The following DUOX1 variants were observed in gnomAD, a reference collection of about 807,000 sequenced individuals.
DUOX1 encodes dual oxidase 1.
Under a neutral mutation model 181.8 loss-of-function variants are expected in DUOX1, and 134 were observed. The ratio of observed to expected loss-of-function variants is 0.74; its 90% CI spans 0.64 to 0.85. The LOEUF (loss-of-function observed/expected upper bound fraction) is 0.85, where lower values mean the gene tolerates loss of function less well. Among genes scored for constraint, DUOX1 ranks in the 40% least tolerant of loss-of-function variants. DUOX1 has a pLI of 0.00. For synonymous variants in DUOX1, 798 were observed against 832.5 expected, an observed-to-expected ratio of 0.96 and a Z score of 0.71; for missense variants, 1,814 against 2,064.4, an observed-to-expected ratio of 0.88 and a Z score of 2.35.
intron 29 of DUOX1, among the ~76,000 whole-genome samples, chr15:45,161,415 CAAAAAAAAA>C (rs35506541): frequency 7.5e-4 from 36 of 48,198 alleles, no homozygotes; most frequent in African/African-American, 2.7e-3. Context: ...GAGACTGTGT[CAAAAAAAAA>C]AAAAAAAAAA....
At chr15:45,163,963 G>T (rs1372561927) in intron 33 of DUOX1, 45 bp downstream of exon 33, 2 of 1,600,666 alleles carry the variant, frequency 1.2e-6, no homozygotes, top group East Asian at 4.5e-5. Flanking sequence ...TTATCATTTG[G>T]GGTCTGAGCA....
chr15:45,134,188 C>T lies in DUOX1; in HGVS notation c.186C>T (p.Gly62=), dbSNP rs761448780. The T allele has an allele frequency of 3.1e-5, 48 of 1,556,936 alleles. No individual in the cohort carries two copies. Among genetic ancestry groups the T allele is most frequent in the Non-Finnish European group, 4.1e-5 (47 of 1,156,336 alleles). ...QRLVPASYAD[G]VYQPLGEPHL... is the part of the protein sequence containing the mutation. Reference sequence around the variant, plus strand: ...TGGTCCCAGCCAGCTATGCAGATGGCGTGTACCAGCCCTTGGGAGAACCCC... The same window carrying T: ...TGGTCCCAGCCAGCTATGCAGATGGTGTGTACCAGCCCTTGGGAGAACCCC... The change falls in exon 4 of 34, where the codon GGC becomes GGT. Residue 62 remains glycine, a synonymous_variant. Coordinates refer to ENST00000389037, the MANE Select transcript of DUOX1 (RefSeq NM_175940.3).
intron 27 of DUOX1, among the ~76,000 whole-genome samples, chr15:45,154,361 C>A (rs1307689068): frequency 6.6e-6 from 1 of 152,156 alleles, no homozygotes; most frequent in Non-Finnish European, 1.5e-5. Context: ...AGTGCTGTGC[C>A]CCAGCTGCAT....
rs368103590 is a variant in DUOX1, at chr15:45,143,339, G to T, written c.1936+36G>T. The T allele has an allele frequency of 2.7e-5, 43 of 1,564,194 alleles. No homozygotes were observed. In the African/African-American group the frequency reaches 4.7e-4, roughly 17 times the overall value. ...GGCTGGCCAGGGTGGTGGTAGGGAG[G>T]ACATGGCTCAGCGCTACAGCTACCC... On this transcript the variant is annotated intron_variant, in intron 16 of 33. Transcript: ENST00000389037.
At position 45,134,135 on chromosome 15, in the gene DUOX1, C is replaced by G; in HGVS notation, c.143-10C>G. On this transcript the variant is annotated splice_polypyrimidine_tract_variant and intron_variant, in intron 3 of 33. Coordinates refer to ENST00000389037, the MANE Select transcript of DUOX1 (RefSeq NM_175940.3). ...AAGATTCATCCTTATCCTTACCCCTCCTACCCCAGGCTCCCGGCTGCAGCG... is the reference window on the plus strand; with the variant it reads ...AAGATTCATCCTTATCCTTACCCCTGCTACCCCAGGCTCCCGGCTGCAGCG... 5.2e-6 allele frequency: 8 copies of G among 1,549,716 alleles called. No homozygotes were observed. The highest frequency in any genetic ancestry group is 6.9e-6 in the Non-Finnish European group (8 of 1,153,304).
Position 45,145,154 on chromosome 15 carries a change from G to C in DUOX1, c.2322+74G>C, listed in dbSNP as rs757504814. ...CCTGCATGAGGCCATGGGGTGACTC[G>C]AGGGGAAGTCAAAGCCCAGAGTTCT... is the stretch of plus-strand genomic sequence containing the variant. On this transcript the variant is annotated intron_variant, in intron 18 of 33. Transcript: ENST00000389037. 15 of 1,359,150 alleles carry C rather than the reference G, an allele frequency of 1.1e-5. 1 individual carries two copies. Among genetic ancestry groups the C allele is most frequent in the Middle Eastern group, 3.9e-4 (2 of 5,184 alleles). The allele number at this position is 1,359,150 out of a possible 1,614,324, so 84.2% of individuals were successfully genotyped here.
In DUOX1 at chr15:45,164,801, G is replaced by T. The variant is rs1454812200; in HGVS notation, c.4556G>T (p.Ser1519Ile). Residue 1519 changes from serine to isoleucine, a missense_variant, in exon 34 of 34, where the codon AGC becomes ATC. Ser to Ile is a moderately radical substitution (Grantham distance 142). Around this residue, in one of 5 missense-constraint regions of DUOX1, gnomAD observed 124 missense variants for 125.7 expected, o/e 0.99. Transcript: ENST00000389037. Reference sequence around the variant, plus strand: ...CAGGTCCGGAAGATCGGGGTGTTTAGCTGTGGCCCCCCTGGCATGACCAAG... The same window carrying T: ...CAGGTCCGGAAGATCGGGGTGTTTATCTGTGGCCCCCCTGGCATGACCAAG... Reference protein sequence around the residue: ...HPQVRKIGVFSCGPPGMTKNV... With the variant: ...HPQVRKIGVFICGPPGMTKNV... 1 of 1,614,056 alleles carries T rather than the reference G, an allele frequency of 6.2e-7. No individual in the cohort carries two copies. Among genetic ancestry groups the T allele is most frequent in the Non-Finnish European group, 8.5e-7 (1 of 1,180,032 alleles).
At position 45,163,573 on chromosome 15, in the gene DUOX1, G is replaced by A; in HGVS notation, c.4290G>A (p.Glu1430=). The change falls in exon 32 of 34, where the codon GAG becomes GAA. Residue 1430 remains glutamate, a synonymous_variant. Transcript: ENST00000389037. ...TGACGCGGACCCAGCGTCAGTTTGAGTGGCTGGCTGACATCATCCGAGAGG... is the reference window on the plus strand; with the variant it reads ...TGACGCGGACCCAGCGTCAGTTTGAATGGCTGGCTGACATCATCCGAGAGG... ...IWVTRTQRQF[E]WLADIIREVE... 1.2e-6 allele frequency: 2 copies of A among 1,614,184 alleles called. No individual in the cohort carries two copies. Among genetic ancestry groups the A allele is most frequent in the Non-Finnish European group, 1.7e-6 (2 of 1,180,024 alleles).
In DUOX1 at chr15:45,155,836, C is replaced by T; in HGVS notation, c.3609C>T (p.Ala1203=). Residue 1203 remains alanine (A), a synonymous_variant, in exon 28 of 34, where the codon GCC becomes GCT. Transcript: ENST00000389037. ...LTGVVLLLIL[A]IMYVFASHHF... ...GGGTTGTGCTGCTCCTGATCCTGGC[C>T]ATCATGTATGTCTTTGCCTCCCACC... 1 of 1,614,024 alleles carries T rather than the reference C, an allele frequency of 6.2e-7. No individual in the cohort carries two copies. The highest frequency in any genetic ancestry group is 8.5e-7 in the Non-Finnish European group (1 of 1,180,014).
intron 2 of DUOX1, among the ~76,000 whole-genome samples, chr15:45,132,710 T>C (rs1055620802): frequency 6.6e-6 from 1 of 152,204 alleles, no homozygotes; most frequent in African/African-American, 2.4e-5. Context: ...ACTTCTCCCT[T>C]GCCAGAGCTA....
chr15:45,154,504 A>G (rs933081921), intron 27 of DUOX1, among the ~76,000 whole-genome samples: 1 of 152,036 alleles, frequency 6.6e-6, no homozygotes, highest in Non-Finnish European at 1.5e-5. Context: ...AATCTATTCA[A>G]ATTCTCTTGA....
intron 1 of DUOX1, 116 bp downstream of exon 1, chr15:45,130,214 A>T (rs531091379): frequency 6.6e-6 from 1 of 152,206 alleles, no homozygotes; most frequent in Admixed American, 6.5e-5. Flanking sequence ...AGAAAGGGGA[A>T]TGCTAGCCCC....
At position 45,153,494 on chromosome 15, in the gene DUOX1, A is replaced by ATGTGTGTGTGTG. The variant is rs58154992; in HGVS notation, c.3524+57_3524+68dup. 2.3e-6 allele frequency: 2 copies of ATGTGTGTGTGTG among 886,638 alleles called. No homozygotes were observed. Among genetic ancestry groups the ATGTGTGTGTGTG allele is most frequent in the East Asian group, 2.6e-5 (1 of 38,098 alleles). 54.9% of individuals were successfully genotyped at this position (886,638 alleles called of 1,614,324 possible). Reference sequence around the variant, plus strand: ...CATGATGATGGGTGAGTAAGTGCGAATGTGTGTGTGTGTGTGTGTGTGTGT... The same window carrying ATGTGTGTGTGTG: ...CATGATGATGGGTGAGTAAGTGCGAATGTGTGTGTGTGTGTGTGTGTGTGTGTGTGTGTGTGT... On this transcript the variant is annotated intron_variant, in intron 26 of 33. Coordinates refer to ENST00000389037, the MANE Select transcript of DUOX1 (RefSeq NM_175940.3).
rs776266556 is a variant in DUOX1, at chr15:45,134,311, T to A, written c.307+2T>A. On this transcript the variant is annotated splice_donor_variant, in intron 4 of 33. Transcript: ENST00000389037. LOFTEE classifies it high-confidence loss of function. ...GCACAGTGTTGGGGGTCTTCTTTGG[T>A]GAGAACTTCAACCTCTGGGGAAGGA... 7.5e-6 allele frequency: 12 copies of A among 1,590,412 alleles called. No individual in the cohort carries two copies. The highest frequency in any genetic ancestry group is 1.0e-5 in the Non-Finnish European group (12 of 1,170,952).
intron 25 of DUOX1, chr15:45,153,057 C>T (rs1276002355): frequency 3.0e-6 from 1 of 328,648 alleles, no homozygotes; most frequent in Admixed American, 4.3e-5. Context: ...CCCGTCTCTA[C>T]TAAAAATACA....
intron 30 of DUOX1, 28 bp from the exon 31 acceptor site, chr15:45,162,191 T>A: frequency 6.3e-7 from 1 of 1,588,024 alleles, no homozygotes; most frequent in Non-Finnish European, 8.6e-7. Flanking sequence ...TGGCCAAGCT[T>A]AACTGAAACC....
intron 28 of DUOX1, among the ~76,000 whole-genome samples, chr15:45,159,475 T>C (rs1218694495): frequency 6.6e-6 from 1 of 152,124 alleles, no homozygotes; most frequent in Non-Finnish European, 1.5e-5. Context: ...TGAAAAGATA[T>C]ATTTTACCCA....
chr15:45,153,219 TAAAAAAA>T (rs71114313), intron 25 of DUOX1, 154 bp from the exon 26 acceptor site: 663 of 199,796 alleles, frequency 3.3e-3, no homozygotes, highest in South Asian at 5.4e-3. Context: ...AGACTCCATC[TAAAAAAA>T]AAAAAAAAAA....
rs1896438556 is a variant in DUOX1 at position 45,139,579 on chromosome 15, C to T, written c.1369C>T (p.Leu457Phe). 6.2e-7 allele frequency: 1 copy of T among 1,600,378 alleles called. No individual in the cohort carries two copies. The highest frequency in any genetic ancestry group is 8.5e-7 in the Non-Finnish European group (1 of 1,174,236). The change falls in exon 12 of 34, where the codon CTC (leucine) becomes TTC (phenylalanine). Residue 457 changes from leucine to phenylalanine, a missense_variant. Around this residue, in one of 5 missense-constraint regions of DUOX1, gnomAD observed 1,064 missense variants for 1,152.9 expected, o/e 0.92. Transcript: ENST00000389037. ...CCGCTGGCAGGACATCAACCCTGCA[C>T]TCTCCCGGAGCAATGACACTGTGAG... Reference protein sequence around the residue: ...ITRWQDINPALSRSNDTVLEA... With the variant: ...ITRWQDINPAFSRSNDTVLEA...
Sources: gnomAD v4.1 joint callset for allele counts (sites outside exome capture counted in the v4.1 genomes callset) on GRCh38, gnomAD v4.1.1 for gene constraint, gnomAD v4.1.1 regional missense constraint, MANE v1.5 for transcripts, NCBI Gene and HGNC (gene_info 2026-07-23, HGNC 2026-07-21) for gene names.